Variants in DIAPH3 observed in about 807,000 individuals in gnomAD.
DIAPH3 encodes the protein protein diaphanous homolog 3.
Under a neutral mutation model 144.3 loss-of-function variants are expected in DIAPH3, and 117 were observed. The observed-to-expected ratio is 0.81, with a 90% CI of 0.70 to 0.95. The LOEUF is 0.95. Ranked by LOEUF, DIAPH3 falls within the 40% of genes least tolerant of loss-of-function variation. DIAPH3 has a pLI of 0.00. For missense variants in DIAPH3, 1,421 were observed against 1,412.7 expected (o/e 1.01, Z -0.09); for synonymous variants, 519 against 488.9 (o/e 1.06, Z -0.81).
At chr13:60,127,373 T>G (rs1260871535) in intron 2 of DIAPH3, among the ~76,000 whole-genome samples, 3 of 151,906 alleles carry the variant, frequency 2.0e-5, no homozygotes, top group Non-Finnish European at 2.9e-5. Context: ...GTAACAGACA[T>G]TTAAACAAGA....
chr13:59,819,400 C>A (rs182857367), intron 24 of DIAPH3, among the ~76,000 whole-genome samples: 7 of 151,816 alleles, frequency 4.6e-5, no homozygotes, highest in Admixed American at 2.0e-4. Context: ...AGGACAGCCA[C>A]GTTTTTAAAA....
chr13:59,791,563 A>G (rs1052702352), intron 25 of DIAPH3, among the ~76,000 whole-genome samples: 5 of 152,314 alleles, frequency 3.3e-5, no homozygotes, highest in African/African-American at 1.2e-4. Context: ...TTCTGATTCT[A>G]AAGCTCATTC....
intron 20 of DIAPH3, among the ~76,000 whole-genome samples, chr13:59,890,581 A>G (rs1487619114): frequency 1.3e-5 from 2 of 151,824 alleles, no homozygotes; most frequent in Admixed American, 1.3e-4. Context: ...TTCCGTTTTT[A>G]AAATACAAAA....
In DIAPH3 at chr13:59,992,597, A is replaced by C. The variant is rs374880940; in HGVS notation, c.1015-14T>G. 5.0e-6 allele frequency: 8 copies of C among 1,595,850 alleles called. No individual in the cohort carries two copies. Among genetic ancestry groups the C allele is most frequent in the Non-Finnish European group, 6.9e-6 (8 of 1,165,050 alleles). On this transcript the variant is annotated splice_polypyrimidine_tract_variant and intron_variant, in intron 9 of 27. Coordinates refer to ENST00000400324, the MANE Select transcript of DIAPH3 (RefSeq NM_001042517.2). Reference sequence around the variant, plus strand: ...CATACAAGCTACCTACAAGAGATCAAACAGTGAGACAGACTGGGTTTCCAA... The same window carrying C: ...CATACAAGCTACCTACAAGAGATCACACAGTGAGACAGACTGGGTTTCCAA...
At chr13:59,786,607 G>GT (rs1175443459) in intron 25 of DIAPH3, among the ~76,000 whole-genome samples, 1 of 152,054 alleles carries the variant, frequency 6.6e-6, no homozygotes, top group African/African-American at 2.4e-5. Context: ...GGCACAAGAT[G>GT]TAAGAGTAAC....
intron 21 of DIAPH3, among the ~76,000 whole-genome samples, chr13:59,861,743 G>T (rs913785118): frequency 6.6e-6 from 1 of 152,072 alleles, no homozygotes; most frequent in Non-Finnish European, 1.5e-5. Context: ...TCGCAAAAAA[G>T]GAATAAGTTT....
At chr13:59,683,823 A>G (rs900597108) in intron 27 of DIAPH3, among the ~76,000 whole-genome samples, 1 of 152,220 alleles carries the variant, frequency 6.6e-6, no homozygotes, top group African/African-American at 2.4e-5. Flanking sequence ...AAATGAATTC[A>G]TCATTCCACC....
At chr13:59,755,536 C>T (rs2037212363) in intron 27 of DIAPH3, among the ~76,000 whole-genome samples, 2 of 151,914 alleles carry the variant, frequency 1.3e-5, no homozygotes, top group South Asian at 4.2e-4. Context: ...AAAAACATAC[C>T]ACACTGATTA....
In DIAPH3 at chr13:59,769,781, A is replaced by C. The variant is rs367780453; in HGVS notation, c.3319+4408T>G. Among the ~76,000 whole-genome samples, 6 of 152,132 alleles carry C rather than the reference A, an allele frequency of 3.9e-5. No individual in the cohort carries two copies. In the South Asian group the frequency reaches 1.2e-3, roughly 32 times the overall value. ...ATACTTCTTCCCCATCTGGTACCTT[A>C]AACTGGGCCAGCTGATTTCTTAACA... On this transcript the variant is annotated intron_variant, in intron 27 of 27. Coordinates refer to ENST00000400324, the MANE Select transcript of DIAPH3 (RefSeq NM_001042517.2).
chr13:59,880,978 C>CAAAAAAAAAAAAAAA (rs77481523), intron 20 of DIAPH3, among the ~76,000 whole-genome samples: 4 of 64,820 alleles, frequency 6.2e-5, no homozygotes, highest in Admixed American at 1.8e-4. Context: ...CAACAAGGAC[C>CAAAAAAAAAAAAAAA]AAAAAAAAAA....
chr13:59,839,117 AACAAACAG>A (rs1201090987), intron 23 of DIAPH3, 199 bp downstream of exon 23: 2 of 481,194 alleles, frequency 4.2e-6, no homozygotes, highest in Middle Eastern at 6.3e-4. Flanking sequence ...TAAATAAATA[AACAAACAG>A]ACAGACAGAC....
chr13:59,787,864 G>A (rs928725172), intron 25 of DIAPH3, among the ~76,000 whole-genome samples: 2 of 152,152 alleles, frequency 1.3e-5, no homozygotes, highest in East Asian at 3.9e-4. Context: ...TTGTTAATGA[G>A]ATTAGTGCTT....
At chr13:59,856,385 C>T (rs2043254689) in intron 22 of DIAPH3, among the ~76,000 whole-genome samples, 2 of 152,138 alleles carry the variant, frequency 1.3e-5, no homozygotes, top group Admixed American at 1.3e-4. Context: ...GTGGCTTAAA[C>T]AACAGAAATT....
intron 1 of DIAPH3, among the ~76,000 whole-genome samples, chr13:60,156,495 G>A (rs1486191041): frequency 6.6e-6 from 1 of 152,034 alleles, no homozygotes; most frequent in East Asian, 1.9e-4. Context: ...ATCTTTAGGG[G>A]GGATGAATGG....
chr13:59,780,174 G>A (rs1393359495), intron 25 of DIAPH3, among the ~76,000 whole-genome samples: 5 of 151,772 alleles, frequency 3.3e-5, no homozygotes, highest in Admixed American at 3.3e-4. Flanking sequence ...GGCCCCAAAG[G>A]TAAACACAAA....
chr13:60,068,926 T>C (rs2057087239), intron 4 of DIAPH3, among the ~76,000 whole-genome samples: 1 of 108,060 alleles, frequency 9.3e-6, no homozygotes, highest in African/African-American at 3.8e-5. Flanking sequence ...GTCTTTGATA[T>C]TGTGAAAAGT....
chr13:60,031,046 G>A (rs1250900839), intron 5 of DIAPH3, among the ~76,000 whole-genome samples: 1 of 152,180 alleles, frequency 6.6e-6, no homozygotes, highest in Non-Finnish European at 1.5e-5. Context: ...AATGCCTGAG[G>A]CTTGATGATT....
chr13:59,688,280 C>T (rs1478961948), intron 27 of DIAPH3, among the ~76,000 whole-genome samples: 2 of 151,982 alleles, frequency 1.3e-5, no homozygotes, highest in African/African-American at 4.8e-5. Context: ...ATTTTAAAAT[C>T]TGAATTTCTT....
intron 17 of DIAPH3, among the ~76,000 whole-genome samples, chr13:59,960,376 A>G (rs1283396195): frequency 6.6e-6 from 1 of 152,198 alleles, no homozygotes; most frequent in African/African-American, 2.4e-5. Flanking sequence ...ACTAATTTCT[A>G]TTAGCTTGCA....
Sources: gnomAD v4.1 joint callset for allele counts (sites outside exome capture counted in the v4.1 genomes callset) on GRCh38, gnomAD v4.1.1 for gene constraint, MANE v1.5 for transcripts, NCBI Gene and HGNC (gene_info 2026-07-23, HGNC 2026-07-21) for gene names.